PXDNL: variants seen among roughly 807,000 people sequenced by gnomAD.
PXDNL encodes the protein peroxidasin like.
Under a neutral mutation model 150.8 loss-of-function variants are expected in PXDNL, and 145 were observed. The observed-to-expected ratio is 0.96, with a 90% confidence interval of 0.84 to 1.10. PXDNL has a LOEUF of 1.10. Among genes scored for constraint, PXDNL ranks in the 50% least tolerant of loss-of-function variants. The pLI is 0.00. For synonymous variants in PXDNL, 757 were observed against 725.7 expected (o/e 1.04, Z -0.69); for missense variants, 2,087 against 1,873.9 (o/e 1.11, Z -2.10).
At chr8:51,447,629 TAC>T (rs1320604721) in intron 11 of PXDNL, among the ~76,000 whole-genome samples, 1 of 152,220 alleles carries the variant, frequency 6.6e-6, no homozygotes, top group African/African-American at 2.4e-5. Flanking sequence ...TGCTGTTATC[TAC>T]ACAGTCAACC....
intron 22 of PXDNL, 22 bp downstream of exon 22, chr8:51,320,762 C>T (rs2130595173): frequency 1.3e-6 from 2 of 1,568,396 alleles, no homozygotes; most frequent in Non-Finnish European, 1.8e-6. Context: ...GGGAGTTGGA[C>T]TGGAAAACTC....
chr8:51,653,015 C>G (rs2130799253), intron 2 of PXDNL, among the ~76,000 whole-genome samples: 1 of 152,118 alleles, frequency 6.6e-6, no homozygotes, highest in South Asian at 2.1e-4. Context: ...TATTTTATAA[C>G]ATTTTATCAT....
At chr8:51,727,748 C>A (rs916118132) in intron 1 of PXDNL, among the ~76,000 whole-genome samples, 1 of 152,186 alleles carries the variant, frequency 6.6e-6, no homozygotes, top group African/African-American at 2.4e-5. Flanking sequence ...CACGCTATGC[C>A]TAAATGAGGC....
At chr8:51,349,066 G>C (rs1586021829) in intron 19 of PXDNL, among the ~76,000 whole-genome samples, 2 of 152,122 alleles carry the variant, frequency 1.3e-5, no homozygotes, top group African/African-American at 2.4e-5. Context: ...TGACATGCGG[G>C]TATGAATTAC....
intron 21 of PXDNL, among the ~76,000 whole-genome samples, chr8:51,327,181 G>A (rs77871102): frequency 0.032 from 4,900 of 152,236 alleles, 243 homozygotes; most frequent in African/African-American, 0.11. Flanking sequence ...AGCAAGCAAC[G>A]TGAGTGAAAA....
chr8:51,540,111 T>C (rs6990618), intron 4 of PXDNL, among the ~76,000 whole-genome samples: 21,793 of 152,074 alleles, frequency 0.14, 1,741 homozygotes, highest in East Asian at 0.28. Flanking sequence ...TTGGCCAGGC[T>C]GGTCTCGAAC....
At chr8:51,803,934 T>C (rs912590840) in intron 1 of PXDNL, among the ~76,000 whole-genome samples, 5 of 152,182 alleles carry the variant, frequency 3.3e-5, no homozygotes, top group African/African-American at 4.8e-5. Flanking sequence ...AGAATGCCCA[T>C]GTAAAACACA....
At chr8:51,692,930 C>T in intron 1 of PXDNL, among the ~76,000 whole-genome samples, 1 of 152,176 alleles carries the variant, frequency 6.6e-6, no homozygotes, top group Admixed American at 6.5e-5. Context: ...TAGTTAAATA[C>T]ATTTTACAGA....
At chr8:51,543,137 C>T (rs564593411) in intron 4 of PXDNL, among the ~76,000 whole-genome samples, 1 of 152,106 alleles carries the variant, frequency 6.6e-6, no homozygotes, top group Non-Finnish European at 1.5e-5. Flanking sequence ...TACCAAGAAA[C>T]TCTAAGATTT....
At chr8:51,347,030 C>T (rs1371389393) in intron 19 of PXDNL, among the ~76,000 whole-genome samples, 1 of 152,056 alleles carries the variant, frequency 6.6e-6, no homozygotes, top group Non-Finnish European at 1.5e-5. Flanking sequence ...GATAGTAAAA[C>T]TACTATATAT....
At chr8:51,720,732 C>G (rs575244471) in intron 1 of PXDNL, among the ~76,000 whole-genome samples, 1 of 152,330 alleles carries the variant, frequency 6.6e-6, no homozygotes, top group Non-Finnish European at 1.5e-5. Flanking sequence ...ATCTAGGACA[C>G]CAACACCATC....
At chr8:51,796,715 A>G (rs1236656964) in intron 1 of PXDNL, among the ~76,000 whole-genome samples, 1 of 152,206 alleles carries the variant, frequency 6.6e-6, no homozygotes, top group Non-Finnish European at 1.5e-5. Flanking sequence ...CCAGGACCAG[A>G]TGGATTTACA....
intron 1 of PXDNL, among the ~76,000 whole-genome samples, chr8:51,677,111 T>C (rs1050249727): frequency 3.9e-5 from 6 of 152,242 alleles, no homozygotes; most frequent in Non-Finnish European, 8.8e-5. Context: ...TACTGCTTTG[T>C]TTCTAATTAC....
intron 1 of PXDNL, among the ~76,000 whole-genome samples, chr8:51,745,606 C>A (rs537071932): frequency 2.3e-3 from 349 of 152,286 alleles, no homozygotes; most frequent in African/African-American, 7.9e-3. Context: ...GTCATGTCTC[C>A]TTTCAGGCCG....
At chr8:51,531,630 G>A (rs945986709) in intron 4 of PXDNL, among the ~76,000 whole-genome samples, 1 of 152,220 alleles carries the variant, frequency 6.6e-6, no homozygotes, top group Admixed American at 6.5e-5. Flanking sequence ...GAGACACTGT[G>A]AGATGGGCTT....
At chr8:51,594,493 G>C (rs1177271031) in intron 2 of PXDNL, among the ~76,000 whole-genome samples, 1 of 152,034 alleles carries the variant, frequency 6.6e-6, no homozygotes, top group African/African-American at 2.4e-5. Context: ...TGAAGCCTAG[G>C]TTTCTGCATA....
chr8:51,374,473 C>A, intron 18 of PXDNL, 124 bp downstream of exon 18: 1 of 868,472 alleles, frequency 1.2e-6, no homozygotes, highest in Non-Finnish European at 1.7e-6. Flanking sequence ...CTAATGCTAT[C>A]TGATATTCAT....
At chr8:51,738,100 C>T (rs902464701) in intron 1 of PXDNL, among the ~76,000 whole-genome samples, 1 of 152,170 alleles carries the variant, frequency 6.6e-6, no homozygotes, top group African/African-American at 2.4e-5. Context: ...CAATTGGACC[C>T]CACAGGGCTT....
intron 1 of PXDNL, among the ~76,000 whole-genome samples, chr8:51,731,775 G>T (rs138178565): frequency 3.9e-5 from 6 of 152,330 alleles, no homozygotes; most frequent in Admixed American, 6.5e-5. Context: ...AGCCATCAAA[G>T]CTTGGGGCTT....
Sources: allele counts gnomAD v4.1 joint callset (sites outside exome capture counted in the v4.1 genomes callset), GRCh38; gene constraint gnomAD v4.1.1; transcripts MANE v1.5; gene names NCBI Gene and HGNC (gene_info 2026-07-23, HGNC 2026-07-21).